Variants in CD46 observed in about 807,000 individuals in gnomAD.
CD46 encodes the protein membrane cofactor protein.
In CD46, 30 loss-of-function variants were observed where a neutral mutation model predicts 53.3. The observed-to-expected ratio is 0.56, with a 90% CI of 0.42 to 0.76. The LOEUF (loss-of-function observed/expected upper bound fraction) is 0.76, where lower values mean the gene tolerates loss of function less well. Among genes scored for constraint, CD46 ranks in the 30% least tolerant of loss-of-function variants. The pLI is 0.00. For synonymous variants in CD46, 142 were observed against 152.0 expected (o/e 0.93, Z 0.48); for missense variants, 409 against 463.0 (o/e 0.88, Z 1.07).
At chr1:207,759,570 A>G in intron 3 of CD46, 69 bp from the exon 4 acceptor site, 1 of 848,482 alleles carries the variant, frequency 1.2e-6, no homozygotes, top group Non-Finnish European at 2.0e-6. Flanking sequence ...CATATAAAAA[A>G]TTCCTTCATT....
At chr1:207,753,730 G>A (rs139934838) in intron 1 of CD46, among the ~76,000 whole-genome samples, 1,685 of 151,884 alleles carry the variant, frequency 0.011, 11 homozygotes, top group Non-Finnish European at 0.015. Context: ...TGTGCGATAC[G>A]AACAGAATCA....
In CD46 at chr1:207,757,426, G is replaced by A. The variant is rs930618415; in HGVS notation, c.287-114G>A. Reference sequence around the variant, plus strand: ...AATCTTAAGTTTGCCCTTATAATAAGTAAATAATGAAAATTATATTCCCAC... The same window carrying A: ...AATCTTAAGTTTGCCCTTATAATAAATAAATAATGAAAATTATATTCCCAC... On this transcript the variant is annotated intron_variant, in intron 2 of 12. Transcript: ENST00000367042. 5.0e-6 allele frequency: 4 copies of A among 802,334 alleles called. No homozygotes were observed. In the Admixed American group the frequency reaches 8.3e-5, roughly 17 times the overall value. 49.7% of individuals were successfully genotyped at this position (802,334 alleles called of 1,614,324 possible).
rs1389579722 is a variant in CD46 at position 207,783,292 on chromosome 1, G to A, written c.944G>A (p.Gly315Glu). The change falls in exon 9 of 13, where the codon GGA (glycine) becomes GAA (glutamate). Residue 315 changes from glycine (G) to glutamate (E), a missense_variant and splice_region_variant. Coordinates refer to ENST00000367042, the MANE Select transcript of CD46 (RefSeq NM_172351.3). ...TYKPPVSNYP[G>E]YPKPEEGILD... is the part of the protein sequence containing the mutation. ...ATCTATATTTCTTCTTTTTTCCTAG[G>A]ATATCCTAAACCTGAGGAAGGAATA... 8 of 1,471,628 alleles carry A rather than the reference G, an allele frequency of 5.4e-6. No individual in the cohort carries two copies. In the Admixed American group the frequency reaches 1.2e-4, roughly 22 times the overall value. 91.2% of individuals were successfully genotyped at this position (1,471,628 alleles called of 1,614,324 possible).
intron 6 of CD46, chr1:207,767,438 G>A: frequency 1.4e-6 from 1 of 725,210 alleles, no homozygotes; most frequent in South Asian, 1.6e-5. Flanking sequence ...CATTGCATGG[G>A]TATATGCTTT....
chr1:207,786,213 G>A (rs576350823), intron 11 of CD46, among the ~76,000 whole-genome samples: 5 of 152,144 alleles, frequency 3.3e-5, no homozygotes, highest in African/African-American at 1.2e-4. Context: ...TTAAACTGGG[G>A]GATTCAAAAC....
At chr1:207,785,477 T>C in intron 10 of CD46, 142 bp from the exon 11 acceptor site, 2 of 739,874 alleles carry the variant, frequency 2.7e-6, no homozygotes, top group Admixed American at 1.9e-5. Flanking sequence ...TAGCAAAGAG[T>C]CTGGATGGAA....
chr1:207,754,515 C>T lies in CD46; in HGVS notation c.97+2206C>T, dbSNP rs41316829. Among the ~76,000 whole-genome samples, 925 of 152,282 alleles carry T rather than the reference C, an allele frequency of 6.1e-3. 4 individuals are homozygous for T. The highest frequency in any genetic ancestry group is 0.014 in the Middle Eastern group (4 of 294). On this transcript the variant is annotated intron_variant, in intron 1 of 12. Coordinates refer to ENST00000367042, the MANE Select transcript of CD46 (RefSeq NM_172351.3). ...AATGCAGGGATCCTGTCTGTCTTGT[C>T]GCACTTGTGGTTCCAAAAGCCCGAT...
chr1:207,776,730 G>A (rs2102645604), intron 8 of CD46, among the ~76,000 whole-genome samples: 1 of 151,830 alleles, frequency 6.6e-6, no homozygotes, highest in Non-Finnish European at 1.5e-5. Context: ...CTGGGCTCAG[G>A]TGATTCTCCC....
rs947501479 is a variant in CD46, at chr1:207,770,308, CTT to C, written c.902-12_902-11del. ...GCCCTGGTGAATTTATAAAATCAAA[CTT>C]ATTTTTCTAGGTCCTAGGCCTACTT... On this transcript the variant is annotated splice_polypyrimidine_tract_variant and intron_variant, in intron 7 of 12. Transcript: ENST00000367042. The C allele has an allele frequency of 2.5e-6, 4 of 1,593,608 alleles. No homozygotes were observed. In the African/African-American group the frequency reaches 5.4e-5, roughly 21 times the overall value.
intron 11 of CD46, among the ~76,000 whole-genome samples, chr1:207,789,177 A>G (rs1309520598): frequency 6.6e-6 from 1 of 152,200 alleles, no homozygotes; most frequent in Non-Finnish European, 1.5e-5. Flanking sequence ...TTTTAACTCT[A>G]GTTAAGCATC....
intron 5 of CD46, 107 bp from the exon 6 acceptor site, chr1:207,766,906 C>A: frequency 1.2e-6 from 1 of 817,102 alleles, no homozygotes; most frequent in Non-Finnish European, 2.0e-6. Flanking sequence ...TTTTTAACAT[C>A]TTGCATTCCA....
chr1:207,790,352 G>A lies in CD46; in HGVS notation c.*41+7G>A. 2 of 1,352,814 alleles carry A rather than the reference G, an allele frequency of 1.5e-6. No homozygotes were observed. Among genetic ancestry groups the A allele is most frequent in the Non-Finnish European group, 2.1e-6 (2 of 944,040 alleles). 83.8% of individuals were successfully genotyped at this position (1,352,814 alleles called of 1,614,324 possible). On this transcript the variant is annotated splice_region_variant and intron_variant, in intron 12 of 12. Transcript: ENST00000367042. ...TTGCTTTTATCATTAAAAGGTATCTGTTTTCTGTTGTTTATTTTCAGATGT... is the reference window on the plus strand; with the variant it reads ...TTGCTTTTATCATTAAAAGGTATCTATTTTCTGTTGTTTATTTTCAGATGT...
chr1:207,775,838 G>A (rs949445650), intron 8 of CD46, among the ~76,000 whole-genome samples: 1 of 152,178 alleles, frequency 6.6e-6, no homozygotes, highest in East Asian at 1.9e-4. Flanking sequence ...ACCCACTTGA[G>A]GAGGCAGTCT....
chr1:207,765,882 C>T (rs1656787358), intron 5 of CD46, among the ~76,000 whole-genome samples: 1 of 152,250 alleles, frequency 6.6e-6, no homozygotes, highest in Non-Finnish European at 1.5e-5. Context: ...TCATAATCAC[C>T]CCAAACTGCA....
chr1:207,770,553 A>T (rs1657398608), intron 8 of CD46, among the ~76,000 whole-genome samples, 191 bp downstream of exon 8: 2 of 152,000 alleles, frequency 1.3e-5, no homozygotes, highest in South Asian at 4.2e-4. Flanking sequence ...TCCCTCCCCC[A>T]GCCCCTAACC....
At chr1:207,785,594 T>G in intron 10 of CD46, 25 bp from the exon 11 acceptor site, 1 of 1,540,866 alleles carries the variant, frequency 6.5e-7, no homozygotes, top group South Asian at 1.1e-5. Flanking sequence ...GAATTATATG[T>G]CATTTGTTTC....
In CD46 at chr1:207,757,619, G is replaced by A. The variant is rs1357049546; in HGVS notation, c.366G>A (p.Gln122=). The stretch of plus-strand genomic sequence containing the variant: ...ATGGGACTTACGAGTTTGGTTATCA[G>A]ATGCACTTTATTTGTAATGAGGGGT... ...PANGTYEFGY[Q]MHFICNEGYY... is the part of the protein sequence containing the mutation. Residue 122 remains glutamine, a synonymous_variant, in exon 3 of 13, where the codon CAG becomes CAA. Transcript: ENST00000367042. The A allele has an allele frequency of 6.2e-7, 1 of 1,609,048 alleles. No homozygotes were observed. The highest frequency in any genetic ancestry group is 1.7e-5 in the Admixed American group (1 of 59,806).
chr1:207,755,670 T>C (rs936396591), intron 1 of CD46, among the ~76,000 whole-genome samples: 1 of 152,192 alleles, frequency 6.6e-6, no homozygotes, highest in Non-Finnish European at 1.5e-5. Context: ...CAGTAAGCAC[T>C]TACACAGTAG....
intron 8 of CD46, among the ~76,000 whole-genome samples, chr1:207,772,952 T>C (rs1291477101): frequency 6.6e-6 from 1 of 152,262 alleles, no homozygotes; most frequent in Non-Finnish European, 1.5e-5. Context: ...TTTCTGTTGA[T>C]TGAAATAGTT....
Sources: gnomAD v4.1 joint callset for allele counts (sites outside exome capture counted in the v4.1 genomes callset) on GRCh38, gnomAD v4.1.1 for gene constraint, MANE v1.5 for transcripts, NCBI Gene and HGNC (gene_info 2026-07-23, HGNC 2026-07-21) for gene names.